Variants in DRAM1 observed in about 807,000 individuals in gnomAD.
DRAM1 encodes DNA damage-regulated autophagy modulator protein 1.
DRAM1 carries 25 observed loss-of-function variants against 28.5 expected under a neutral mutation model. The ratio of observed to expected loss-of-function variants is 0.88; its 90% CI spans 0.64 to 1.23. The LOEUF is 1.23. DRAM1 is among the 50% of genes most tolerant of loss of function. DRAM1 has a pLI of 0.00. For synonymous variants in DRAM1, 113 were observed against 114.2 expected, an observed-to-expected ratio of 0.99 and a Z score of 0.07; for missense variants, 249 against 299.2, an observed-to-expected ratio of 0.83 and a Z score of 1.24.
At chr12:101,896,184 G>A (rs545244189) in intron 1 of DRAM1, among the ~76,000 whole-genome samples, 9 of 152,252 alleles carry the variant, frequency 5.9e-5, no homozygotes, top group East Asian at 1.9e-4. Flanking sequence ...CACTGTGCCC[G>A]GCCCTATTAA....
At chr12:101,915,079 A>G (rs1273642065) in intron 5 of DRAM1, among the ~76,000 whole-genome samples, 2 of 151,020 alleles carry the variant, frequency 1.3e-5, no homozygotes, top group Non-Finnish European at 2.9e-5. Context: ...TCCCGGGTTC[A>G]TGCCATTCTC....
intron 4 of DRAM1, among the ~76,000 whole-genome samples, chr12:101,909,459 A>G (rs986266805): frequency 6.6e-6 from 1 of 152,168 alleles, no homozygotes; most frequent in African/African-American, 2.4e-5. Flanking sequence ...GCTTGGCTAA[A>G]GACACCAAAT....
chr12:101,892,304 C>T (rs934790733), intron 1 of DRAM1, among the ~76,000 whole-genome samples: 5 of 150,982 alleles, frequency 3.3e-5, no homozygotes, highest in Admixed American at 6.6e-5. Flanking sequence ...GGTGCGATCT[C>T]GGCTCACTGC....
chr12:101,890,619 A>T lies in DRAM1; in HGVS notation c.132-7244A>T, dbSNP rs201763293. Reference sequence around the variant, plus strand: ...ATGTTGTATGTGTGAACAAGAGGGAACTCTGATGGAGAGAGGGCAAAATTG... The same window carrying T: ...ATGTTGTATGTGTGAACAAGAGGGATCTCTGATGGAGAGAGGGCAAAATTG... On this transcript the variant is annotated intron_variant, in intron 1 of 6. Coordinates refer to ENST00000258534, the MANE Select transcript of DRAM1 (RefSeq NM_018370.3). 4.2e-5 allele frequency among the ~76,000 whole-genome samples: 6 copies of T among 143,696 alleles called. No homozygotes were observed. The East Asian group carries it at 1.3e-3, about 30-fold the overall frequency. The allele number at this position is 143,696 out of a possible 152,430, so 94.3% of individuals were successfully genotyped here.
chr12:101,902,402 G>A (rs993495674), intron 3 of DRAM1, among the ~76,000 whole-genome samples: 1 of 152,126 alleles, frequency 6.6e-6, no homozygotes, highest in South Asian at 2.1e-4. Context: ...GCCTGTGAGA[G>A]CTATCCTCAA....
chr12:101,906,575 T>C (rs1240428423), intron 3 of DRAM1, among the ~76,000 whole-genome samples: 1 of 152,032 alleles, frequency 6.6e-6, no homozygotes. Flanking sequence ...GAGCTGAGGC[T>C]GGGTGTGGTG....
intron 5 of DRAM1, among the ~76,000 whole-genome samples, chr12:101,914,984 CTT>C (rs71094528): frequency 2.0e-3 from 269 of 135,594 alleles, no homozygotes; most frequent in South Asian, 3.6e-3. Flanking sequence ...TTCTTTCTTT[CTT>C]TTTTTTTTTT....
chr12:101,878,049 G>T, intron 1 of DRAM1, 129 bp downstream of exon 1: 1 of 1,242,006 alleles, frequency 8.1e-7, no homozygotes, highest in South Asian at 2.0e-5. Flanking sequence ...GTGGGAGCAG[G>T]AGGAGAGGTG....
chr12:101,915,582 G>T (rs1874209316), intron 5 of DRAM1, among the ~76,000 whole-genome samples: 1 of 148,706 alleles, frequency 6.7e-6, no homozygotes, highest in South Asian at 2.1e-4. Flanking sequence ...CGCCCTTGTT[G>T]CCTAGGCTGG....
intron 1 of DRAM1, among the ~76,000 whole-genome samples, chr12:101,894,989 C>T (rs1422376134): frequency 6.6e-6 from 1 of 152,038 alleles, no homozygotes; most frequent in Non-Finnish European, 1.5e-5. Context: ...ATTTCCCTGG[C>T]AGAGTTAATT....
At chr12:101,902,522 T>C (rs1873644938) in intron 3 of DRAM1, among the ~76,000 whole-genome samples, 1 of 152,226 alleles carries the variant, frequency 6.6e-6, no homozygotes. Flanking sequence ...TAGAGTGGTA[T>C]AATTTGTCTA....
intron 3 of DRAM1, 99 bp downstream of exon 3, chr12:101,901,532 A>G: frequency 2.9e-6 from 4 of 1,389,148 alleles, no homozygotes; most frequent in Non-Finnish European, 3.9e-6. Flanking sequence ...CATTATAGCC[A>G]TTAAATGCTT....
chr12:101,897,904 T>A lies in DRAM1; in HGVS notation c.173T>A (p.Phe58Tyr). ...CCTCCAGAGAGTGGTATTTTTGGAT[T>A]TATGATAAACTTCTCTGCATTTCTT... ...TTPPESGIFGFMINFSAFLGA... is the reference protein window; with the variant it reads ...TTPPESGIFGYMINFSAFLGA... The change falls in exon 2 of 7, where the codon TTT becomes TAT. Residue 58 changes from phenylalanine (F) to tyrosine (Y), a missense_variant. Physicochemically the swap from Phe to Tyr is conservative, Grantham distance 22. Transcript: ENST00000258534. 6.2e-7 allele frequency: 1 copy of A among 1,609,374 alleles called. No homozygotes were observed. Among genetic ancestry groups the A allele is most frequent in the Non-Finnish European group, 8.5e-7 (1 of 1,176,172 alleles).
intron 4 of DRAM1, among the ~76,000 whole-genome samples, chr12:101,909,108 A>C (rs1286214437): frequency 6.6e-6 from 1 of 152,000 alleles, no homozygotes; most frequent in African/African-American, 2.4e-5. Context: ...CTAAAAATAC[A>C]AAATTAGTCA....
chr12:101,914,564 C>A (rs1874164232), intron 5 of DRAM1, among the ~76,000 whole-genome samples: 1 of 150,566 alleles, frequency 6.6e-6, no homozygotes, highest in Admixed American at 6.6e-5. Context: ...CTTACTGCAA[C>A]CTCTGTGTCC....
intron 1 of DRAM1, among the ~76,000 whole-genome samples, chr12:101,895,191 T>TTTTTTTTTTGTTTTTTTTTG (rs1566123823): frequency 6.6e-5 from 8 of 121,890 alleles, no homozygotes; most frequent in Non-Finnish European, 1.3e-4. Flanking sequence ...TTCAGGTTTT[T>TTTTTTTTTTGTTTTTTTTTG]TTTTTTTTTT....
rs1373677699 is a variant in DRAM1, at chr12:101,923,045, C to A, written c.*1785C>A. The A allele has an allele frequency of 6.6e-6, 1 of 152,154 alleles. No homozygotes were observed. Among genetic ancestry groups the A allele is most frequent in the Non-Finnish European group, 1.5e-5 (1 of 68,076 alleles). 9.4% of individuals were successfully genotyped at this position (152,154 alleles called of 1,614,324 possible). A position where few individuals can be genotyped will look rare whatever the true frequency, so the allele number is the denominator to read the frequency against. ...CCCAGGAGGTGGAGGCTGCAGTGAG[C>A]CATGCCAATGCACTCCAGTCTGGGC... On this transcript the variant is annotated 3_prime_UTR_variant, in exon 7 of 7. Transcript: ENST00000258534.
intron 3 of DRAM1, among the ~76,000 whole-genome samples, chr12:101,907,491 A>G: frequency 6.6e-6 from 1 of 152,158 alleles, no homozygotes; most frequent in African/African-American, 2.4e-5. Context: ...CTGTAATCCC[A>G]GCACTTTGGG....
At position 101,901,313 on chromosome 12, in the gene DRAM1, A is replaced by G. The variant is rs372524926; in HGVS notation, c.222A>G (p.Arg74=). The G allele has an allele frequency of 9.9e-5, 159 of 1,614,174 alleles. No individual in the cohort carries two copies. The African/African-American group carries it at 2.0e-3, about 20-fold the overall frequency. Residue 74 remains arginine, a synonymous_variant, in exon 3 of 7, where the codon AGA becomes AGG. Coordinates refer to ENST00000258534, the MANE Select transcript of DRAM1 (RefSeq NM_018370.3). The part of the protein sequence containing the change: ...AFLGAATMYT[R]YKIVQKQNQT... ...CAGGTGCAGCCACGATGTATACAAG[A>G]TACAAAATAGTACAGAAGCAAAATC...
Sources: allele counts gnomAD v4.1 joint callset (sites outside exome capture counted in the v4.1 genomes callset), GRCh38; gene constraint gnomAD v4.1.1; transcripts MANE v1.5; gene names NCBI Gene and HGNC (gene_info 2026-07-23, HGNC 2026-07-21).